EDAR: variants seen among roughly 807,000 people sequenced by gnomAD.
EDAR encodes ectodysplasin A receptor.
A neutral mutation model predicts 51.3 loss-of-function variants in EDAR; 38 were observed. That is an observed-to-expected ratio of 0.74 (90% CI 0.57 to 0.97). EDAR has a LOEUF of 0.97. EDAR is among the 50% of genes least tolerant of loss of function. The pLI is 0.00. For missense variants in EDAR, 528 were observed against 595.0 expected, an observed-to-expected ratio of 0.89 and a Z score of 1.17; for synonymous variants, 227 against 242.1, an observed-to-expected ratio of 0.94 and a Z score of 0.58.
At chr2:108,941,280 T>C (rs1697588792) in intron 1 of EDAR, among the ~76,000 whole-genome samples, 2 of 152,200 alleles carry the variant, frequency 1.3e-5, no homozygotes, top group Admixed American at 6.5e-5. Context: ...TGGTTTTTGG[T>C]TGTTTTCTGG....
rs1201002310 is a variant in EDAR, at chr2:108,894,504, T to C, written c.*2403A>G. On this transcript the variant is annotated 3_prime_UTR_variant, in exon 12 of 12. Transcript: ENST00000258443. ...ATGTGTTTATTGAGATTATAAAATA[T>C]AATAAGTTATATATATACAGAATTA... 3 of 152,488 alleles carry C rather than the reference T, an allele frequency of 2.0e-5. No homozygotes were observed. The highest frequency in any genetic ancestry group is 6.6e-5 in the Admixed American group (1 of 15,240). The allele number at this position is 152,488 out of a possible 1,614,324, so 9.4% of individuals were successfully genotyped here. A position where few individuals can be genotyped will look rare whatever the true frequency, so the allele number is the denominator to read the frequency against.
At chr2:108,986,563 G>A (rs934356508) in intron 1 of EDAR, among the ~76,000 whole-genome samples, 1 of 152,136 alleles carries the variant, frequency 6.6e-6, no homozygotes, top group Non-Finnish European at 1.5e-5. Context: ...TGCTAACCTA[G>A]ACCAGTTCTT....
intron 1 of EDAR, among the ~76,000 whole-genome samples, chr2:108,971,234 C>T (rs1366327925): frequency 2.6e-5 from 4 of 152,074 alleles, no homozygotes; most frequent in Non-Finnish European, 5.9e-5. Context: ...ATTTTTATAT[C>T]TTTATATTTC....
intron 1 of EDAR, among the ~76,000 whole-genome samples, chr2:108,987,857 G>T (rs894084427): frequency 1.3e-5 from 2 of 152,210 alleles, no homozygotes; most frequent in African/African-American, 4.8e-5. Flanking sequence ...TATCTTTAAA[G>T]GTTTTAAGTG....
rs537700964 is a variant in EDAR, at chr2:108,935,145, C to G, written c.-18-4113G>C. On this transcript the variant is annotated intron_variant, in intron 1 of 11. Coordinates refer to ENST00000258443, the MANE Select transcript of EDAR (RefSeq NM_022336.4). ...TACGGAAAAGGTCTGCCACTCCTGC[C>G]TGAATTAACAGCTTCTCTTCCCCGA... Among the ~76,000 whole-genome samples the G allele has an allele frequency of 1.1e-4, 16 of 152,324 alleles. No homozygotes were observed. The South Asian group carries it at 1.9e-3, about 18-fold the overall frequency.
At chr2:108,920,821 G>A (rs1305278055) in intron 5 of EDAR, among the ~76,000 whole-genome samples, 1 of 152,204 alleles carries the variant, frequency 6.6e-6, no homozygotes, top group African/African-American at 2.4e-5. Flanking sequence ...GTGCTTCTGG[G>A]AGGATTTGGT....
At chr2:108,950,227 TCCTCCCTCCCTCCTC>T (rs1697797547) in intron 1 of EDAR, among the ~76,000 whole-genome samples, 2 of 134,726 alleles carry the variant, frequency 1.5e-5, no homozygotes, top group South Asian at 3.0e-4. Flanking sequence ...CTCCCTTCCT[TCCTCCCTCCCTCCTC>T]CCTCCCTCCC....
chr2:108,913,967 A>AAAAAC (rs35735096), intron 5 of EDAR, among the ~76,000 whole-genome samples: 1 of 148,740 alleles, frequency 6.7e-6, no homozygotes. Context: ...AAAAAAAAAA[A>AAAAAC]TCTAGAAAAG....
At position 108,964,894 on chromosome 2, in the gene EDAR, A is replaced by G. The variant is rs12615213; in HGVS notation, c.-19+24066T>C. Among the ~76,000 whole-genome samples, 9 of 152,352 alleles carry G rather than the reference A, an allele frequency of 5.9e-5. No homozygotes were observed. The East Asian group carries it at 1.5e-3, about 26-fold the overall frequency. On this transcript the variant is annotated intron_variant, in intron 1 of 11. Coordinates refer to ENST00000258443, the MANE Select transcript of EDAR (RefSeq NM_022336.4). ...GCATGACAAAAACATACTTAATAAC[A>G]GCACGTCTGGAATAAGGAACAGTTC...
intron 1 of EDAR, among the ~76,000 whole-genome samples, chr2:108,984,938 T>C (rs1464989538): frequency 6.6e-6 from 1 of 152,162 alleles, no homozygotes; most frequent in Non-Finnish European, 1.5e-5. Flanking sequence ...TGTGCAAACA[T>C]GGGATTGGAA....
chr2:108,929,792 A>T (rs977714243), intron 3 of EDAR, among the ~76,000 whole-genome samples: 1 of 152,212 alleles, frequency 6.6e-6, no homozygotes, highest in African/African-American at 2.4e-5. Flanking sequence ...AGCACTCAGG[A>T]AAAAATGTAC....
intron 5 of EDAR, among the ~76,000 whole-genome samples, chr2:108,914,978 T>C (rs1697001097): frequency 6.6e-6 from 1 of 152,250 alleles, no homozygotes; most frequent in South Asian, 2.1e-4. Context: ...AGTGGCACGA[T>C]CTTGGCTCAC....
chr2:108,916,661 G>A (rs984314639), intron 5 of EDAR, among the ~76,000 whole-genome samples: 1 of 152,182 alleles, frequency 6.6e-6, no homozygotes, highest in African/African-American at 2.4e-5. Context: ...AGGGATCCCT[G>A]AGTTGGTGAG....
At chr2:108,987,838 G>A (rs1052674653) in intron 1 of EDAR, among the ~76,000 whole-genome samples, 1 of 152,236 alleles carries the variant, frequency 6.6e-6, no homozygotes. Flanking sequence ...GGTGGCCTCT[G>A]TCAAAATGTA....
intron 11 of EDAR, among the ~76,000 whole-genome samples, chr2:108,902,573 G>C (rs1034824554): frequency 4.6e-5 from 7 of 152,008 alleles, no homozygotes; most frequent in African/African-American, 1.7e-4. Context: ...ACCAGACAAA[G>C]ACAAAAAACA....
chr2:108,942,703 C>G (rs980138834), intron 1 of EDAR, among the ~76,000 whole-genome samples: 3 of 152,264 alleles, frequency 2.0e-5, no homozygotes, highest in Non-Finnish European at 4.4e-5. Context: ...CTGTTCCCGC[C>G]TCTCCTTTTA....
rs116071219 is a variant in EDAR at position 108,988,549 on chromosome 2, G to T, written c.-19+411C>A. Reference sequence around the variant, plus strand: ...TCTTAGGTCACAGCGGGTACGCAGAGTTGGAGGCAGGTACAGAGCCCAGCT... The same window carrying T: ...TCTTAGGTCACAGCGGGTACGCAGATTTGGAGGCAGGTACAGAGCCCAGCT... On this transcript the variant is annotated intron_variant, in intron 1 of 11. Transcript: ENST00000258443. Among the ~76,000 whole-genome samples, 1,082 of 152,252 alleles carry T rather than the reference G, an allele frequency of 7.1e-3. 9 individuals are homozygous for T. Among genetic ancestry groups the T allele is most frequent in the South Asian group, 0.028 (135 of 4,818 alleles).
chr2:108,904,492 C>T, intron 11 of EDAR, among the ~76,000 whole-genome samples: 1 of 152,240 alleles, frequency 6.6e-6, no homozygotes, highest in East Asian at 1.9e-4. Context: ...CGACTGATGT[C>T]CACACAAAAA....
intron 1 of EDAR, among the ~76,000 whole-genome samples, chr2:108,956,797 T>C (rs1001757333): frequency 7.3e-5 from 11 of 151,396 alleles, no homozygotes; most frequent in Admixed American, 2.0e-4. Flanking sequence ...TTTTTTTTTG[T>C]TTTTTTTGAG....
Sources: allele counts gnomAD v4.1 joint callset (sites outside exome capture counted in the v4.1 genomes callset), GRCh38; gene constraint gnomAD v4.1.1; transcripts MANE v1.5; gene names NCBI Gene and HGNC (gene_info 2026-07-23, HGNC 2026-07-21).